AGTPBP1: variants seen among roughly 807,000 people sequenced by gnomAD.
AGTPBP1 encodes the protein cytosolic carboxypeptidase 1.
AGTPBP1 carries 70 observed loss-of-function variants against 143.9 expected under a neutral mutation model. The observed-to-expected ratio is 0.49, with a 90% confidence interval of 0.40 to 0.59. AGTPBP1 has a LOEUF of 0.59. Among genes scored for constraint, AGTPBP1 ranks in the 20% least tolerant of loss-of-function variants. The probability of loss-of-function intolerance (pLI) is 0.00; values close to 1 mark genes in which losing one functional copy is unlikely to be tolerated. For synonymous variants in AGTPBP1, 463 were observed against 500.2 expected, an observed-to-expected ratio of 0.93 and a Z score of 0.99; for missense variants, 1,229 against 1,464.5, an observed-to-expected ratio of 0.84 and a Z score of 2.62.
In AGTPBP1 at chr9:85,637,606, A is replaced by G. The variant is rs964473234; in HGVS notation, c.1303-4232T>C. 9.2e-5 allele frequency among the ~76,000 whole-genome samples: 14 copies of G among 152,350 alleles called. No homozygotes were observed. The South Asian group carries it at 2.7e-3, about 29-fold the overall frequency. On this transcript the variant is annotated intron_variant, in intron 13 of 25. Transcript: ENST00000357081. ...TTTATAAGAAGTTCTAAAACAGTCAAGACTAGTCACAGTGACAGAGAGCAG... is the reference window on the plus strand; with the variant it reads ...TTTATAAGAAGTTCTAAAACAGTCAGGACTAGTCACAGTGACAGAGAGCAG...
In AGTPBP1 at chr9:85,741,930, G is replaced by T; in HGVS notation, c.-189C>A. 7.6e-7 allele frequency: 1 copy of T among 1,314,944 alleles called. No homozygotes were observed. Among genetic ancestry groups the T allele is most frequent in the Non-Finnish European group, 9.6e-7 (1 of 1,036,684 alleles). 81.5% of individuals were successfully genotyped at this position (1,314,944 alleles called of 1,614,324 possible). The stretch of plus-strand genomic sequence containing the variant: ...AGGCGGCGGCGGCGGCAGCTGCGGC[G>T]GCGGCGCTGGAGGCGGCGGAACCTG... On this transcript the variant is annotated 5_prime_UTR_variant, in exon 1 of 26. Coordinates refer to ENST00000357081, the MANE Select transcript of AGTPBP1 (RefSeq NM_001330701.2).
the AGTPBP1 span, among the ~76,000 whole-genome samples, chr9:85,768,195 A>G: frequency 5.9e-5 from 9 of 152,344 alleles, no homozygotes; most frequent in South Asian, 1.9e-3. Context: ...ACTACCTTAT[A>G]TTATCTCAGT....
rs1044208329 is a variant in AGTPBP1, at chr9:85,657,809, T to C, written c.701-166A>G. On this transcript the variant is annotated intron_variant, in intron 9 of 25. Transcript: ENST00000357081. ...TATATTTTTTCTAACAAAATAAATA[T>C]GAAGTTCCAGAGAGAAAATTACAAC... Among the ~76,000 whole-genome samples the C allele has an allele frequency of 5.9e-5, 9 of 152,324 alleles. 1 individual carries two copies. In the East Asian group the frequency reaches 1.2e-3, roughly 20 times the overall value.
chr9:85,625,153 A>G (rs899311859), intron 14 of AGTPBP1, among the ~76,000 whole-genome samples: 3 of 152,244 alleles, frequency 2.0e-5, no homozygotes, highest in Non-Finnish European at 2.9e-5. Flanking sequence ...TGAAATAAAC[A>G]TATCTCACAA....
intron 24 of AGTPBP1, among the ~76,000 whole-genome samples, chr9:85,576,799 C>T (rs1358284519): frequency 6.6e-6 from 1 of 152,018 alleles, no homozygotes; most frequent in African/African-American, 2.4e-5. Flanking sequence ...AAAATAAAGT[C>T]TATTAACTTT....
At chr9:85,581,160 T>C (rs1828233772) in intron 23 of AGTPBP1, among the ~76,000 whole-genome samples, 1 of 152,200 alleles carries the variant, frequency 6.6e-6, no homozygotes, top group African/African-American at 2.4e-5. Context: ...TGCTTTGAAG[T>C]TCTGCTAAGA....
At chr9:85,660,345 T>A (rs1203093658) in intron 9 of AGTPBP1, among the ~76,000 whole-genome samples, 2 of 152,154 alleles carry the variant, frequency 1.3e-5, no homozygotes, top group Non-Finnish European at 2.9e-5. Context: ...AGACTCAGTA[T>A]CTTGGAGAGA....
intron 25 of AGTPBP1, among the ~76,000 whole-genome samples, chr9:85,560,332 A>G (rs1233184647): frequency 6.6e-6 from 1 of 152,224 alleles, no homozygotes; most frequent in Non-Finnish European, 1.5e-5. Flanking sequence ...AGAACCAGCT[A>G]AAAGATTTAT....
At chr9:85,657,750 T>C (rs1053202612) in intron 9 of AGTPBP1, 107 bp from the exon 10 acceptor site, 31 of 696,254 alleles carry the variant, frequency 4.5e-5, no homozygotes, top group Non-Finnish European at 6.4e-5. Flanking sequence ...ATACTTATAA[T>C]TCTTTTTTCC....
chr9:85,547,749 G>A lies in AGTPBP1; in HGVS notation c.3504-463C>T, dbSNP rs147306295. The stretch of plus-strand genomic sequence containing the variant: ...CTCTAAGTCTATAAAGTGATTAGCT[G>A]CCATAAAAACAGCCCATATACCCAC... On this transcript the variant is annotated intron_variant, in intron 25 of 25. Coordinates refer to ENST00000357081, the MANE Select transcript of AGTPBP1 (RefSeq NM_001330701.2). Among the ~76,000 whole-genome samples, 438 of 152,278 alleles carry A rather than the reference G, an allele frequency of 2.9e-3. 2 individuals are homozygous for A. Among genetic ancestry groups the A allele is most frequent in the African/African-American group, 8.7e-3 (363 of 41,554 alleles).
intron 25 of AGTPBP1, among the ~76,000 whole-genome samples, chr9:85,550,936 C>T (rs116117234): frequency 0.018 from 2,804 of 151,992 alleles, 96 homozygotes; most frequent in African/African-American, 0.064. Context: ...ATGTAATGCC[C>T]AGTGTCAGAG....
chr9:85,798,241 T>C, the AGTPBP1 span, among the ~76,000 whole-genome samples: 1 of 152,124 alleles, frequency 6.6e-6, no homozygotes, highest in Non-Finnish European at 1.5e-5. Context: ...TTTACTTGGA[T>C]GGAGTTCTCC....
At chr9:85,742,011 C>A (rs1472734649), upstream of AGTPBP1, 3 of 1,204,704 alleles carry the variant, frequency 2.5e-6, no homozygotes, top group South Asian at 4.1e-5. Context: ...CCTTGCCAGC[C>A]GGCTCCCAGC....
At chr9:85,701,562 A>G (rs1365636569) in intron 2 of AGTPBP1, among the ~76,000 whole-genome samples, 1 of 152,222 alleles carries the variant, frequency 6.6e-6, no homozygotes, top group South Asian at 2.1e-4. Flanking sequence ...AGATGTTTAT[A>G]AAGAATTAAA....
At chr9:85,792,015 C>CA in the AGTPBP1 span, among the ~76,000 whole-genome samples, 1 of 152,004 alleles carries the variant, frequency 6.6e-6, no homozygotes, top group African/African-American at 2.4e-5. Context: ...CCAAAACAAA[C>CA]AAAAAAATTG....
chr9:85,753,228 G>GA, the AGTPBP1 span: 4,736 of 1,429,550 alleles, frequency 3.3e-3, no homozygotes, highest in East Asian at 5.6e-3. Flanking sequence ...AAAAAAGAAA[G>GA]AAAAAAAAAA....
chr9:85,739,225 A>G (rs1824049129), intron 1 of AGTPBP1, among the ~76,000 whole-genome samples: 1 of 152,240 alleles, frequency 6.6e-6, no homozygotes. Context: ...TTTAAAATTC[A>G]GTGCCCACCC....
chr9:85,793,404 A>G, the AGTPBP1 span: 1 of 152,176 alleles, frequency 6.6e-6, no homozygotes, highest in African/African-American at 2.4e-5. Context: ...CAACAAGTGT[A>G]TTAAATTTAA....
At chr9:85,756,531 GGATGGATA>G in the AGTPBP1 span, among the ~76,000 whole-genome samples, 1 of 130,174 alleles carries the variant, frequency 7.7e-6, no homozygotes, top group Non-Finnish European at 1.9e-5. Flanking sequence ...ATGGATGGAT[GGATGGATA>G]GATGGATAGA....
Sources: allele counts gnomAD v4.1 joint callset (sites outside exome capture counted in the v4.1 genomes callset), GRCh38; gene constraint gnomAD v4.1.1; transcripts MANE v1.5; gene names NCBI Gene and HGNC (gene_info 2026-07-23, HGNC 2026-07-21).